Variants in N4BP1 observed in about 807,000 individuals in gnomAD.
N4BP1 encodes NEDD4 binding protein 1.
Under a neutral mutation model 70.9 loss-of-function variants are expected in N4BP1, and 21 were observed. The observed-to-expected ratio is 0.30, with a 90% CI of 0.21 to 0.43. N4BP1 has a LOEUF of 0.43. Among genes scored for constraint, N4BP1 ranks in the 20% least tolerant of loss-of-function variants. The pLI, the probability that N4BP1 is intolerant of heterozygous loss-of-function variation, is 1.00. For missense variants in N4BP1, 936 were observed against 1,069.4 expected, an observed-to-expected ratio of 0.88 and a Z score of 1.74; for synonymous variants, 387 against 394.6, an observed-to-expected ratio of 0.98 and a Z score of 0.23.
intron 2 of N4BP1, among the ~76,000 whole-genome samples, chr16:48,560,361 T>G (rs1963835025): frequency 6.9e-6 from 1 of 143,900 alleles, no homozygotes; most frequent in African/African-American, 2.7e-5. Flanking sequence ...TCAGGCATAC[T>G]CCAGCATAAT....
At chr16:48,602,519 A>G (rs544474560) in intron 1 of N4BP1, among the ~76,000 whole-genome samples, 2 of 152,228 alleles carry the variant, frequency 1.3e-5, no homozygotes, top group East Asian at 1.9e-4. Context: ...CCTTATTTCA[A>G]CATTCTGGTA....
At chr16:48,609,572 A>G (rs1964644276) in intron 1 of N4BP1, among the ~76,000 whole-genome samples, 1 of 152,178 alleles carries the variant, frequency 6.6e-6, no homozygotes, top group Non-Finnish European at 1.5e-5. Flanking sequence ...CCACTTTACA[A>G]ATGGGGAAAC....
rs769515870 is a variant in N4BP1 at position 48,561,854 on chromosome 16, A to C, written c.789T>G (p.Phe263Leu). The C allele has an allele frequency of 6.2e-7, 1 of 1,613,862 alleles. No homozygotes were observed. Among genetic ancestry groups the C allele is most frequent in the African/African-American group, 1.3e-5 (1 of 75,058 alleles). The change falls in exon 2 of 7, where the codon TTT (phenylalanine) becomes TTG (leucine). Residue 263 changes from phenylalanine (F) to leucine (L), a missense_variant. Around this residue, in one of 4 missense-constraint regions of N4BP1, gnomAD observed 515 missense variants for 491.7 expected, o/e 1.05. Transcript: ENST00000262384. ...CTGGGGTTAGACCATTTATTGGATC[A>C]AAAAGCACATCTGGTGAGCTAGAAA... ...TVLSSSPDVL[F>L]DPINGLTPDE...
chr16:48,607,246 G>C (rs1193531195), intron 1 of N4BP1, among the ~76,000 whole-genome samples: 1 of 152,164 alleles, frequency 6.6e-6, no homozygotes, highest in African/African-American at 2.4e-5. Context: ...GGGCAGGTCT[G>C]GCAGGACCAG....
At chr16:48,584,712 T>G (rs1211970695) in intron 1 of N4BP1, among the ~76,000 whole-genome samples, 1 of 151,706 alleles carries the variant, frequency 6.6e-6, no homozygotes, top group Non-Finnish European at 1.5e-5. Flanking sequence ...GAGTTCTGAG[T>G]CCAGCTAATA....
At position 48,570,270 on chromosome 16, in the gene N4BP1, G is replaced by A. The variant is rs531792402; in HGVS notation, c.199-7826C>T. ...GTCCTGGTGCCCATTTCCACTTCCA[G>A]GTGGAGCTGTGTTGTGTTCATGCTG... On this transcript the variant is annotated intron_variant, in intron 1 of 6. Coordinates refer to ENST00000262384, the MANE Select transcript of N4BP1 (RefSeq NM_153029.4). 2.5e-3 allele frequency among the ~76,000 whole-genome samples: 388 copies of A among 152,326 alleles called. 2 individuals are homozygous for A. Among genetic ancestry groups the A allele is most frequent in the African/African-American group, 9.0e-3 (373 of 41,572 alleles).
chr16:48,603,045 C>T (rs1164792606), intron 1 of N4BP1, among the ~76,000 whole-genome samples: 1 of 152,194 alleles, frequency 6.6e-6, no homozygotes, highest in Admixed American at 6.5e-5. Flanking sequence ...GCTCTTCTAA[C>T]TGAAAAGGTA....
At chr16:48,576,663 C>A (rs990271214) in intron 1 of N4BP1, among the ~76,000 whole-genome samples, 2 of 152,168 alleles carry the variant, frequency 1.3e-5, no homozygotes, top group Non-Finnish European at 1.5e-5. Context: ...ATGTGTGAAT[C>A]CCTTTGACTT....
At chr16:48,588,346 G>C (rs1964279585) in intron 1 of N4BP1, among the ~76,000 whole-genome samples, 1 of 150,288 alleles carries the variant, frequency 6.7e-6, no homozygotes, top group South Asian at 2.1e-4. Flanking sequence ...CCAGGCTGGG[G>C]TGCAATGGCA....
Position 48,562,023 on chromosome 16 carries a change from A to C in N4BP1, c.620T>G (p.Met207Arg), listed in dbSNP as rs1481129566. 2 of 1,613,874 alleles carry C rather than the reference A, an allele frequency of 1.2e-6. No individual in the cohort carries two copies. The highest frequency in any genetic ancestry group is 2.2e-5 in the South Asian group (2 of 91,078). ...FETGDDEVIEMRDSQQTEFTQ... is the reference protein window; with the variant it reads ...FETGDDEVIERRDSQQTEFTQ... ...AAACTCTGTTTGTTGAGAATCTCTCATTTCAATAACCTCATCATCTCCTGT... is the reference window on the plus strand; with the variant it reads ...AAACTCTGTTTGTTGAGAATCTCTCCTTTCAATAACCTCATCATCTCCTGT... Residue 207 changes from methionine (M) to arginine (R), a missense_variant, in exon 2 of 7, where the codon ATG becomes AGG. Physicochemically the swap from Met to Arg is moderately conservative, Grantham distance 91. Around this residue, in one of 4 missense-constraint regions of N4BP1, gnomAD observed 515 missense variants for 491.7 expected, o/e 1.05. Coordinates refer to ENST00000262384, the MANE Select transcript of N4BP1 (RefSeq NM_153029.4).
chr16:48,606,572 C>T (rs1054405059), intron 1 of N4BP1, among the ~76,000 whole-genome samples: 14 of 152,190 alleles, frequency 9.2e-5, no homozygotes, highest in African/African-American at 1.9e-4. Context: ...CTGCTTTCTA[C>T]GACAAATCTT....
chr16:48,543,271 G>A lies in N4BP1; in HGVS notation c.2334-10C>T, dbSNP rs778334150. On this transcript the variant is annotated splice_polypyrimidine_tract_variant and intron_variant, in intron 6 of 6. Transcript: ENST00000262384. Reference sequence around the variant, plus strand: ...TAGGGGCTGCATATCTCTGTGAATGGAAGTGAGTCCTGGTGAGTTGGGTTA... The same window carrying A: ...TAGGGGCTGCATATCTCTGTGAATGAAAGTGAGTCCTGGTGAGTTGGGTTA... 2.0e-6 allele frequency: 3 copies of A among 1,504,462 alleles called. No individual in the cohort carries two copies. The highest frequency in any genetic ancestry group is 1.4e-5 in the South Asian group (1 of 73,760). The allele number at this position is 1,504,462 out of a possible 1,614,324, so 93.2% of individuals were successfully genotyped here. A position where few individuals can be genotyped will look rare whatever the true frequency, so the allele number is the denominator to read the frequency against.
At chr16:48,586,476 C>A (rs544937571) in intron 1 of N4BP1, among the ~76,000 whole-genome samples, 1 of 151,622 alleles carries the variant, frequency 6.6e-6, no homozygotes, top group East Asian at 1.9e-4. Context: ...TTTTTTTCAC[C>A]GTAACTACAC....
In N4BP1 at chr16:48,540,782, A is replaced by G. The variant is rs1963486567; in HGVS notation, c.*2122T>C. The G allele has an allele frequency of 6.6e-6, 1 of 152,286 alleles. No individual in the cohort carries two copies. The highest frequency in any genetic ancestry group is 2.4e-5 in the African/African-American group (1 of 41,468). The allele number at this position is 152,286 out of a possible 1,614,324, so 9.4% of individuals were successfully genotyped here. ...GGCTACAGATACTTATGCAGCAGCC[A>G]CACTGAGGCTAGTACTGGAGGAGGC... On this transcript the variant is annotated 3_prime_UTR_variant, in exon 7 of 7. Coordinates refer to ENST00000262384, the MANE Select transcript of N4BP1 (RefSeq NM_153029.4).
chr16:48,594,410 A>G (rs1964381284), intron 1 of N4BP1, among the ~76,000 whole-genome samples: 1 of 152,222 alleles, frequency 6.6e-6, no homozygotes, highest in Non-Finnish European at 1.5e-5. Context: ...GCTGGAGTGC[A>G]GTGGCACAAT....
chr16:48,579,408 C>T (rs946858137), intron 1 of N4BP1, among the ~76,000 whole-genome samples: 1 of 152,144 alleles, frequency 6.6e-6, no homozygotes, highest in South Asian at 2.1e-4. Flanking sequence ...TAAGGGAGTA[C>T]TCTCTTAGGC....
At chr16:48,588,442 C>T (rs1296116846) in intron 1 of N4BP1, among the ~76,000 whole-genome samples, 2 of 151,834 alleles carry the variant, frequency 1.3e-5, no homozygotes, top group Admixed American at 1.3e-4. Context: ...TTACAGGCAC[C>T]CGCCACCATG....
intron 1 of N4BP1, among the ~76,000 whole-genome samples, chr16:48,594,326 A>T (rs1288363605): frequency 1.3e-5 from 2 of 152,140 alleles, no homozygotes; most frequent in African/African-American, 2.4e-5. Flanking sequence ...TGAATGACTT[A>T]TGGTGACCTG....
intron 1 of N4BP1, among the ~76,000 whole-genome samples, chr16:48,597,161 C>T (rs1825681): frequency 1.3e-5 from 2 of 152,198 alleles, no homozygotes; most frequent in Admixed American, 6.5e-5. Flanking sequence ...AATAGAACTC[C>T]AGTCTCCCAC....
Sources: gnomAD v4.1 joint callset for allele counts (sites outside exome capture counted in the v4.1 genomes callset) on GRCh38, gnomAD v4.1.1 for gene constraint, gnomAD v4.1.1 regional missense constraint, MANE v1.5 for transcripts, NCBI Gene and HGNC (gene_info 2026-07-23, HGNC 2026-07-21) for gene names.